Variants in CACNA1B observed in about 807,000 individuals in gnomAD.
CACNA1B encodes voltage-dependent N-type calcium channel subunit alpha-1B.
In CACNA1B, 70 loss-of-function variants were observed where a neutral mutation model predicts 247.2. That is an observed-to-expected ratio of 0.28 (90% CI 0.23 to 0.35). The LOEUF is 0.35. Ranked by LOEUF, CACNA1B falls within the 10% of genes least tolerant of loss-of-function variation. The pLI, the probability that CACNA1B is intolerant of heterozygous loss-of-function variation, is 1.00. For synonymous variants in CACNA1B, 1,231 were observed against 1,294.4 expected (o/e 0.95, Z 1.05); for missense variants, 2,367 against 3,197.4 (o/e 0.74, Z 6.26).
chr9:138,100,849 G>A lies in CACNA1B; in HGVS notation c.5223-1862G>A, dbSNP rs910319565. 6.6e-6 allele frequency among the ~76,000 whole-genome samples: 1 copy of A among 152,148 alleles called. No homozygotes were observed. The highest frequency in any genetic ancestry group is 1.5e-5 in the Non-Finnish European group (1 of 68,022). ...GGGAGTGAGAGGAAGAGCTGACCGAGAGGGAGGGGCAGGGCAGTGTTCTGT... is the reference window on the plus strand; with the variant it reads ...GGGAGTGAGAGGAAGAGCTGACCGAAAGGGAGGGGCAGGGCAGTGTTCTGT... On this transcript the variant is annotated intron_variant, in intron 37 of 46. Coordinates refer to ENST00000371372, the MANE Select transcript of CACNA1B (RefSeq NM_000718.4). The surrounding 1 kb of genome is among the most constrained non-coding windows in gnomAD (Gnocchi z 4.6).
intron 39 of CACNA1B, among the ~76,000 whole-genome samples, chr9:138,108,884 C>T (rs560210814): frequency 3.9e-4 from 59 of 152,306 alleles, no homozygotes; most frequent in African/African-American, 1.3e-3. Flanking sequence ...CTCCTGACCT[C>T]GTGATCCGCC....
chr9:137,915,039 A>C (rs1032484217), intron 5 of CACNA1B, among the ~76,000 whole-genome samples: 3 of 152,270 alleles, frequency 2.0e-5, no homozygotes, highest in African/African-American at 7.2e-5. Flanking sequence ...AAGGTATTTG[A>C]AATAGAATAA....
intron 6 of CACNA1B, among the ~76,000 whole-genome samples, chr9:137,931,672 C>T (rs1351895544): frequency 6.6e-6 from 1 of 152,036 alleles, no homozygotes; most frequent in African/African-American, 2.4e-5. Flanking sequence ...TATTGGGGAT[C>T]ATGGAACTCT....
chr9:138,067,212 A>G (rs1325654280), intron 31 of CACNA1B, among the ~76,000 whole-genome samples: 2 of 152,240 alleles, frequency 1.3e-5, no homozygotes, highest in African/African-American at 4.8e-5. Context: ...TTATTAAAGC[A>G]TTAAAGAAGT....
chr9:137,961,303 A>T (rs1958018888), intron 10 of CACNA1B, among the ~76,000 whole-genome samples: 1 of 152,196 alleles, frequency 6.6e-6, no homozygotes, highest in South Asian at 2.1e-4. Flanking sequence ...TTGGGCTCAG[A>T]TGATGGCATC....
intron 31 of CACNA1B, among the ~76,000 whole-genome samples, chr9:138,063,091 CTAAG>C (rs1959787268): frequency 6.6e-6 from 1 of 152,244 alleles, no homozygotes; most frequent in African/African-American, 2.4e-5. Flanking sequence ...GGCATCTGAT[CTAAG>C]TAACATAACA....
chr9:137,956,626 C>A (rs1957952204), intron 8 of CACNA1B, 145 bp from the exon 9 acceptor site: 1 of 558,248 alleles, frequency 1.8e-6, no homozygotes, highest in Non-Finnish European at 3.1e-6. Flanking sequence ...TGCACTCCAG[C>A]CTGGGTGACA....
chr9:137,946,614 A>T (rs1266976984), intron 6 of CACNA1B, among the ~76,000 whole-genome samples: 4 of 151,942 alleles, frequency 2.6e-5, no homozygotes, highest in East Asian at 1.9e-4. Flanking sequence ...AAAAAAAAAA[A>T]AGGGAAAGGA....
chr9:138,088,924 A>C (rs1436268835), intron 36 of CACNA1B, among the ~76,000 whole-genome samples: 1 of 129,482 alleles, frequency 7.7e-6, no homozygotes, highest in African/African-American at 2.8e-5. Context: ...GCGCCATTGC[A>C]CTCCAGCCTG....
At chr9:138,025,811 TG>T (rs375582304) in intron 20 of CACNA1B, among the ~76,000 whole-genome samples, 55 of 152,254 alleles carry the variant, frequency 3.6e-4, no homozygotes, top group African/African-American at 1.3e-3. Context: ...AGAGATCTGC[TG>T]GTTACAAATA....
Position 138,057,852 on chromosome 9 carries a change from G to T in CACNA1B, c.4089G>T (p.Thr1363=), listed in dbSNP as rs554995531. The T allele has an allele frequency of 1.2e-6, 2 of 1,605,056 alleles. No individual in the cohort carries two copies. Among genetic ancestry groups the T allele is most frequent in the Non-Finnish European group, 8.5e-7 (1 of 1,172,760 alleles). Residue 1363 remains threonine, a synonymous_variant, in exon 27 of 47, where the codon ACG becomes ACT. Coordinates refer to ENST00000371372, the MANE Select transcript of CACNA1B (RefSeq NM_000718.4). This position sits in a 1 kb window ranked among gnomAD's most constrained non-coding sequence, Gnocchi z 4.0. ...WALLTLFTVS[T]GEGWPMVLKH... Reference sequence around the variant, plus strand: ...TGCTGACGCTGTTCACAGTGTCCACGGGAGAAGGCTGGCCCATGTGAGTGC... The same window carrying T: ...TGCTGACGCTGTTCACAGTGTCCACTGGAGAAGGCTGGCCCATGTGAGTGC...
chr9:138,043,409 C>T lies in CACNA1B; in HGVS notation c.3287-365C>T, dbSNP rs556293772. Among the ~76,000 whole-genome samples the T allele has an allele frequency of 4.6e-5, 7 of 152,248 alleles. No homozygotes were observed. In the South Asian group the frequency reaches 1.0e-3, roughly 23 times the overall value. On this transcript the variant is annotated intron_variant, in intron 20 of 46. Transcript: ENST00000371372. The stretch of plus-strand genomic sequence containing the variant: ...CTGGCCCCTGCTCCTCCCTGTGCTG[C>T]GGGTTCGAGGTCCCAGCAGAGGCAG...
In CACNA1B at chr9:138,028,023, C is replaced by CTTTTTT. The variant is rs541594878; in HGVS notation, c.3286+2874_3286+2879dup. Among the ~76,000 whole-genome samples, 7 of 98,748 alleles carry CTTTTTT rather than the reference C, an allele frequency of 7.1e-5. 1 individual carries two copies. The highest frequency in any genetic ancestry group is 1.2e-4 in the Non-Finnish European group (6 of 50,958). The allele number at this position is 98,748 out of a possible 152,430, so 64.8% of individuals were successfully genotyped here. On this transcript the variant is annotated intron_variant, in intron 20 of 46. Coordinates refer to ENST00000371372, the MANE Select transcript of CACNA1B (RefSeq NM_000718.4). ...GGTCTCATTTCCACTCCCCCCCAACCTTTTTTTTTTTTTTTTTTTTTTTTT... is the reference window on the plus strand; with the variant it reads ...GGTCTCATTTCCACTCCCCCCCAACCTTTTTTTTTTTTTTTTTTTTTTTTTTTTTTT...
At position 137,971,372 on chromosome 9, in the gene CACNA1B, C is replaced by T. The variant is rs777271426; in HGVS notation, c.1334-11C>T. ...GGTCCCCACATCCTCAGTAACTCCC[C>T]ATCCCCTCAGGATCCCCCTTCGCCC... On this transcript the variant is annotated splice_polypyrimidine_tract_variant and intron_variant, in intron 10 of 46. Coordinates refer to ENST00000371372, the MANE Select transcript of CACNA1B (RefSeq NM_000718.4). This position sits in a 1 kb window ranked among gnomAD's most constrained non-coding sequence, Gnocchi z 4.4. 3 of 1,598,308 alleles carry T rather than the reference C, an allele frequency of 1.9e-6. No homozygotes were observed. The highest frequency in any genetic ancestry group is 2.7e-5 in the African/African-American group (2 of 74,516).
At chr9:138,103,077 G>A (rs1961307955) in intron 38 of CACNA1B, among the ~76,000 whole-genome samples, 1 of 151,964 alleles carries the variant, frequency 6.6e-6, no homozygotes, top group Non-Finnish European at 1.5e-5. Flanking sequence ...TGGAGGCTCA[G>A]GAAGACAGAA....
In CACNA1B at chr9:138,068,812, G is replaced by A. The variant is rs925399601; in HGVS notation, c.4669-946G>A. Reference sequence around the variant, plus strand: ...GTGCAGAGAGCCCCAGTGCCCAGCCGGGCTCTAGGGAAACCTCCCCACACC... The same window carrying A: ...GTGCAGAGAGCCCCAGTGCCCAGCCAGGCTCTAGGGAAACCTCCCCACACC... On this transcript the variant is annotated intron_variant, in intron 31 of 46. Coordinates refer to ENST00000371372, the MANE Select transcript of CACNA1B (RefSeq NM_000718.4). Among the ~76,000 whole-genome samples the A allele has an allele frequency of 2.6e-5, 4 of 152,282 alleles. No homozygotes were observed. The South Asian group carries it at 8.3e-4, about 32-fold the overall frequency.
At position 137,888,424 on chromosome 9, in the gene CACNA1B, C is replaced by A. The variant is rs1308872921; in HGVS notation, c.530+5541C>A. Among the ~76,000 whole-genome samples, 1 of 152,204 alleles carries A rather than the reference C, an allele frequency of 6.6e-6. No individual in the cohort carries two copies. Among genetic ancestry groups the A allele is most frequent in the Non-Finnish European group, 1.5e-5 (1 of 68,034 alleles). ...GCTGGTTGCACCTGGGGGTCAGGGA[C>A]ATGGGCAGGGCCCCCAGAACCCCAA... On this transcript the variant is annotated intron_variant, in intron 3 of 46. Transcript: ENST00000371372. This position sits in a 1 kb window ranked among gnomAD's most constrained non-coding sequence, Gnocchi z 4.7.
At chr9:138,060,994 A>C (rs920288203) in intron 31 of CACNA1B, among the ~76,000 whole-genome samples, 1 of 151,962 alleles carries the variant, frequency 6.6e-6, no homozygotes. Flanking sequence ...GATGACCCAG[A>C]CCCTCAGCCC....
At chr9:138,008,896 C>T (rs1308177677) in intron 16 of CACNA1B, among the ~76,000 whole-genome samples, 4 of 152,180 alleles carry the variant, frequency 2.6e-5, no homozygotes, top group African/African-American at 7.2e-5. Context: ...AGAGGATTGC[C>T]CAGCCCCAAA....
Sources: allele counts gnomAD v4.1 joint callset (sites outside exome capture counted in the v4.1 genomes callset), GRCh38; gene constraint gnomAD v4.1.1; non-coding constraint Gnocchi (gnomAD v3.1); transcripts MANE v1.5; gene names NCBI Gene and HGNC (gene_info 2026-07-23, HGNC 2026-07-21).